Variants in PDCD4 observed in about 807,000 individuals in gnomAD.
PDCD4 encodes the protein programmed cell death 4.
In PDCD4, 56 loss-of-function variants were observed where a neutral mutation model predicts 54.0. That is an observed-to-expected ratio of 1.04 (90% CI 0.84 to 1.30). The LOEUF is 1.30. Ranked by LOEUF, PDCD4 falls within the 50% of genes most tolerant of loss-of-function variation. The pLI is 0.00. For missense variants in PDCD4, 584 were observed against 559.8 expected (o/e 1.04, Z -0.44); for synonymous variants, 186 against 194.8 (o/e 0.95, Z 0.37).
At chr10:110,874,101 C>T (rs1010842552) in intron 1 of PDCD4, among the ~76,000 whole-genome samples, 22 of 152,174 alleles carry the variant, frequency 1.4e-4, no homozygotes, top group African/African-American at 3.9e-4. Context: ...CTCATCCTGG[C>T]TGTTCCACTA....
chr10:110,892,061 C>G (rs919884742), intron 8 of PDCD4, among the ~76,000 whole-genome samples: 1 of 152,160 alleles, frequency 6.6e-6, no homozygotes, highest in African/African-American at 2.4e-5. Flanking sequence ...AAATTCAATT[C>G]TCTATACAGT....
Position 110,894,404 on chromosome 10 carries a change from A to G in PDCD4, c.1099-8A>G. ...AACCAAAAATTCACTCATTGATTCA[A>G]TTTTTAGGCTATTATAATGGTTTTA... On this transcript the variant is annotated splice_polypyrimidine_tract_variant and splice_region_variant and intron_variant, in intron 9 of 11. Coordinates refer to ENST00000280154, the MANE Select transcript of PDCD4 (RefSeq NM_014456.5). 1 of 1,414,996 alleles carries G rather than the reference A, an allele frequency of 7.1e-7. No individual in the cohort carries two copies. Among genetic ancestry groups the G allele is most frequent in the Non-Finnish European group, 1.0e-6 (1 of 1,003,390 alleles). The allele number at this position is 1,414,996 out of a possible 1,614,324, so 87.7% of individuals were successfully genotyped here.
chr10:110,885,825 C>G (rs1447153844), intron 5 of PDCD4, among the ~76,000 whole-genome samples: 1 of 151,516 alleles, frequency 6.6e-6, no homozygotes, highest in African/African-American at 2.4e-5. Context: ...AAAAAAAACC[C>G]CACAAATAAT....
At position 110,887,617 on chromosome 10, in the gene PDCD4, A is replaced by G. The variant is rs199543363; in HGVS notation, c.556-48A>G. On this transcript the variant is annotated intron_variant, in intron 5 of 11. Transcript: ENST00000280154. Reference sequence around the variant, plus strand: ...CAAAAATAAAATTTTATTGAACTATAGGTAGTGATACACTTTTAAAATGTT... The same window carrying G: ...CAAAAATAAAATTTTATTGAACTATGGGTAGTGATACACTTTTAAAATGTT... 7.6e-6 allele frequency: 10 copies of G among 1,308,430 alleles called. 1 individual carries two copies. Among genetic ancestry groups the G allele is most frequent in the African/African-American group, 7.4e-5 (5 of 67,790 alleles). The allele number at this position is 1,308,430 out of a possible 1,614,324, so 81.1% of individuals were successfully genotyped here. A position where few individuals can be genotyped will look rare whatever the true frequency, so the allele number is the denominator to read the frequency against.
intron 2 of PDCD4, chr10:110,880,630 TTC>T (rs994383388): frequency 6.6e-6 from 1 of 152,296 alleles, no homozygotes; most frequent in Non-Finnish European, 1.5e-5. Context: ...ATGCCTTTCA[TTC>T]TCTTTTGGAT....
intron 7 of PDCD4, 124 bp downstream of exon 7, chr10:110,889,754 C>G (rs1258785226): frequency 3.1e-6 from 2 of 649,306 alleles, no homozygotes; most frequent in African/African-American, 3.7e-5. Context: ...TCTATATTCT[C>G]CACTGTTAAA....
chr10:110,877,969 A>T (rs1335896557), intron 2 of PDCD4, among the ~76,000 whole-genome samples: 1 of 152,210 alleles, frequency 6.6e-6, no homozygotes, highest in Non-Finnish European at 1.5e-5. Context: ...TATTCTAATT[A>T]TGCCACTCAT....
chr10:110,880,367 A>G (rs1002884157), intron 2 of PDCD4: 3 of 152,222 alleles, frequency 2.0e-5, no homozygotes, highest in African/African-American at 7.2e-5. Context: ...CTTGGGCTAT[A>G]TCCTAAAGGA....
chr10:110,892,101 G>A (rs1258076604), intron 8 of PDCD4, among the ~76,000 whole-genome samples: 2 of 152,098 alleles, frequency 1.3e-5, no homozygotes, highest in African/African-American at 4.8e-5. Flanking sequence ...TGCAATTATT[G>A]CATTTGTGAT....
Position 110,894,495 on chromosome 10 carries a change from T to G in PDCD4, c.1182T>G (p.Ser394=). The change falls in exon 10 of 12, where the codon TCT becomes TCG. Residue 394 remains serine, a synonymous_variant. Coordinates refer to ENST00000280154, the MANE Select transcript of PDCD4 (RefSeq NM_014456.5). ...LDLLKSLWKS[S]TITVDQMKRG... ...TATTAAAGTCCCTTTGGAAGTCTTC[T>G]ACCATTACTGTAGACCAAATGAAAA... 1 of 1,522,120 alleles carries G rather than the reference T, an allele frequency of 6.6e-7. No individual in the cohort carries two copies. The highest frequency in any genetic ancestry group is 1.4e-5 in the African/African-American group (1 of 73,272). The allele number at this position is 1,522,120 out of a possible 1,614,324, so 94.3% of individuals were successfully genotyped here. A position where few individuals can be genotyped will look rare whatever the true frequency, so the allele number is the denominator to read the frequency against.
At chr10:110,889,423 G>A (rs754561974) in intron 6 of PDCD4, 110 bp from the exon 7 acceptor site, 1 of 717,370 alleles carries the variant, frequency 1.4e-6, no homozygotes, top group African/African-American at 1.8e-5. Context: ...GCATCTTTTA[G>A]GTACTGACTG....
rs146453067 is a variant in PDCD4, at chr10:110,894,510, C to A, written c.1197C>A (p.Asp399Glu). Residue 399 changes from aspartate (D) to glutamate (E), a missense_variant, in exon 10 of 12, where the codon GAC becomes GAA. Physicochemically the swap from Asp to Glu is conservative, Grantham distance 45 (BLOSUM62 2). Transcript: ENST00000280154. ...SLWKSSTITV[D>E]QMKRGYERIY... ...GGAAGTCTTCTACCATTACTGTAGA[C>A]CAAATGAAAAGAGTAAGTATAACAT... The A allele has an allele frequency of 2.8e-6, 4 of 1,405,434 alleles. No individual in the cohort carries two copies. The highest frequency in any genetic ancestry group is 3.4e-5 in the Admixed American group (2 of 58,326). The allele number at this position is 1,405,434 out of a possible 1,614,324, so 87.1% of individuals were successfully genotyped here. A position where few individuals can be genotyped will look rare whatever the true frequency, so the allele number is the denominator to read the frequency against.
chr10:110,875,456 A>C (rs1845487866), intron 1 of PDCD4, among the ~76,000 whole-genome samples: 1 of 152,228 alleles, frequency 6.6e-6, no homozygotes, highest in African/African-American at 2.4e-5. Context: ...TGAGTGGCAG[A>C]TATATCTGCC....
Position 110,898,138 on chromosome 10 carries a change from T to C in PDCD4, c.*50T>C, listed in dbSNP as rs1845875932. 4.7e-6 allele frequency: 5 copies of C among 1,067,476 alleles called. No homozygotes were observed. The highest frequency in any genetic ancestry group is 2.3e-5 in the South Asian group (1 of 44,186). The allele number at this position is 1,067,476 out of a possible 1,614,324, so 66.1% of individuals were successfully genotyped here. ...ATGTTATAAAAATATATATCTGAAT[T>C]GTAAGAGTTGTTAGCACAAGTTTTT... is the stretch of plus-strand genomic sequence containing the variant. On this transcript the variant is annotated 3_prime_UTR_variant, in exon 12 of 12. Transcript: ENST00000280154.
chr10:110,881,794 A>G (rs1845596922), intron 3 of PDCD4, among the ~76,000 whole-genome samples: 1 of 152,188 alleles, frequency 6.6e-6, no homozygotes, highest in South Asian at 2.1e-4. Context: ...AGCAAAATAT[A>G]CACTGATGTT....
intron 2 of PDCD4, among the ~76,000 whole-genome samples, chr10:110,878,226 C>T (rs908818592): frequency 1.3e-5 from 2 of 152,222 alleles, no homozygotes; most frequent in East Asian, 3.9e-4. Flanking sequence ...GCAATTAATA[C>T]AAACATGGGT....
chr10:110,889,608 A>G lies in PDCD4; in HGVS notation c.853A>G (p.Thr285Ala). The G allele has an allele frequency of 6.3e-7, 1 of 1,598,746 alleles. No homozygotes were observed. The highest frequency in any genetic ancestry group is 1.1e-5 in the South Asian group (1 of 90,572). Residue 285 changes from threonine (T) to alanine (A), a missense_variant, in exon 7 of 12, where the codon ACT (threonine) becomes GCT (alanine). Thr to Ala is a moderately conservative substitution (Grantham distance 58). Transcript: ENST00000280154. ...CNTYIDSYKG[T>A]VDCVQARAAL... ...TACCTATATTGATAGTTACAAAGGAACTGTAGATTGTGTGCAGGCTAGGTA... is the reference window on the plus strand; with the variant it reads ...TACCTATATTGATAGTTACAAAGGAGCTGTAGATTGTGTGCAGGCTAGGTA...
chr10:110,889,411 C>T, intron 6 of PDCD4, 122 bp from the exon 7 acceptor site: 1 of 677,910 alleles, frequency 1.5e-6, no homozygotes, highest in Non-Finnish European at 2.6e-6. Context: ...AAAAAAATTC[C>T]AGCATCTTTT....
rs558755892 is a variant in PDCD4 at position 110,893,093 on chromosome 10, T to C, written c.991-998T>C. 2.7e-5 allele frequency among the ~76,000 whole-genome samples: 4 copies of C among 149,460 alleles called. No individual in the cohort carries two copies. In the South Asian group the frequency reaches 6.3e-4, roughly 23 times the overall value. On this transcript the variant is annotated intron_variant, in intron 8 of 11. Transcript: ENST00000280154. Reference sequence around the variant, plus strand: ...ACCATCTAGGTTTTTGTGAGTATACTCTATGATGTTTGCACCATGACAGAG... The same window carrying C: ...ACCATCTAGGTTTTTGTGAGTATACCCTATGATGTTTGCACCATGACAGAG...
Sources: allele counts gnomAD v4.1 joint callset (sites outside exome capture counted in the v4.1 genomes callset), GRCh38; gene constraint gnomAD v4.1.1; transcripts MANE v1.5; gene names NCBI Gene and HGNC (gene_info 2026-07-23, HGNC 2026-07-21).